Variants in ARRDC2 observed in about 807,000 individuals in gnomAD.
The protein encoded by ARRDC2 is arrestin domain-containing protein 2.
ARRDC2 carries 39 observed loss-of-function variants against 38.9 expected under a neutral mutation model. The observed-to-expected ratio is 1.00, with a 90% CI of 0.78 to 1.31. The LOEUF (loss-of-function observed/expected upper bound fraction) is 1.31, where lower values mean the gene tolerates loss of function less well. Ranked by LOEUF, ARRDC2 falls within the 50% of genes most tolerant of loss-of-function variation. ARRDC2 has a pLI of 0.00. For missense variants in ARRDC2, 553 were observed against 588.4 expected, an observed-to-expected ratio of 0.94 and a Z score of 0.62; for synonymous variants, 300 against 261.9, an observed-to-expected ratio of 1.15 and a Z score of -1.41.
In ARRDC2 at chr19:18,010,226, C is replaced by G. The variant is rs750033770; in HGVS notation, c.880C>G (p.Leu294Val). The G allele has an allele frequency of 1.2e-6, 2 of 1,613,652 alleles. No individual in the cohort carries two copies. Among genetic ancestry groups the G allele is most frequent in the Non-Finnish European group, 1.7e-6 (2 of 1,179,936 alleles). Residue 294 changes from leucine (L) to valine (V), a missense_variant, in exon 6 of 8, where the codon CTG (leucine) becomes GTG (valine). By Grantham distance (32) the Leu-to-Val change is conservative (BLOSUM62 1). Around this residue, in one of 3 missense-constraint regions of ARRDC2, gnomAD observed 447 missense variants for 456.6 expected, o/e 0.98. Transcript: ENST00000222250. ...VCVDIPGTSKLLLELPLVIGT... is the reference protein window; with the variant it reads ...VCVDIPGTSKVLLELPLVIGT... ...TGTGGATATCCCAGGAACGTCCAAG[C>G]TGCTGCTGGAGCTGCCACTGGTGAT...
At chr19:18,001,892 C>T (rs920821924) in intron 1 of ARRDC2, among the ~76,000 whole-genome samples, 9 of 152,108 alleles carry the variant, frequency 5.9e-5, no homozygotes, top group African/African-American at 2.2e-4. Flanking sequence ...GGGCTGAGAT[C>T]GCACCACTGC....
intron 1 of ARRDC2, chr19:18,001,649 C>G: frequency 1.6e-6 from 2 of 1,256,212 alleles, no homozygotes; most frequent in Non-Finnish European, 2.0e-6. Flanking sequence ...CCGGAAGCCT[C>G]TCAACTTAGA....
chr19:18,010,386 AG>A, intron 6 of ARRDC2, 28 bp downstream of exon 6: 1 of 1,598,246 alleles, frequency 6.3e-7, no homozygotes, highest in Non-Finnish European at 8.5e-7. Flanking sequence ...TTGCATGCAG[AG>A]GGTGGGTGGA....
Position 18,008,455 on chromosome 19 carries a change from C to G in ARRDC2, c.145C>G (p.Leu49Val), listed in dbSNP as rs1568466820. The G allele has an allele frequency of 1.9e-6, 3 of 1,546,396 alleles. No homozygotes were observed. In the South Asian group the frequency reaches 3.5e-5, roughly 18 times the overall value. ...CGCCGCGCGTGTGGGTGCCCTGAGG[C>G]TGCGCGCGCGGGGCCGCGCCCACGT... ...SSAARVGALR[L>V]RARGRAHVHW... Residue 49 changes from leucine (L) to valine (V), a missense_variant, in exon 1 of 8, where the codon CTG becomes GTG. Leu to Val is a conservative substitution (Grantham distance 32). Transcript: ENST00000222250.
At chr19:18,008,116 A>AGGGGGCCCC, upstream of ARRDC2, 1 of 522,498 alleles carries the variant, frequency 1.9e-6, no homozygotes, top group Non-Finnish European at 2.9e-6. Flanking sequence ...AGAGACGGTG[A>AGGGGGCCCC]CCCCACCCCC....
exon 1 of ARRDC2, chr19:18,001,570 C>G (rs907542309): frequency 1.9e-5 from 26 of 1,336,746 alleles, no homozygotes; most frequent in Admixed American, 3.8e-5. Context: ...GCTGCTGCTC[C>G]GAGGTGAGAC....
upstream of ARRDC2, among the ~76,000 whole-genome samples, chr19:18,003,784 C>T (rs2033222827): frequency 6.6e-6 from 1 of 151,792 alleles, no homozygotes; most frequent in Non-Finnish European, 1.5e-5. Context: ...GGACTACAGG[C>T]ACCCGCCACC....
At chr19:18,002,172 T>C (rs775263311) in intron 1 of ARRDC2, among the ~76,000 whole-genome samples, 5 of 152,170 alleles carry the variant, frequency 3.3e-5, no homozygotes, top group Non-Finnish European at 5.9e-5. Context: ...CCAACTCGTG[T>C]TACCCAGGGC....
At position 18,001,890 on chromosome 19, in the gene ARRDC2, A is replaced by G. The variant is rs561403494; in HGVS notation, c.259+317A>G. On this transcript the variant is annotated intron_variant, in intron 1 of 7. Coordinates refer to the ARRDC2 transcript ENST00000379656. Reference sequence around the variant, plus strand: ...GAGGTAGAGGTTGTAATGGGCTGAGATCGCACCACTGCACTCCAGCCTGGA... The same window carrying G: ...GAGGTAGAGGTTGTAATGGGCTGAGGTCGCACCACTGCACTCCAGCCTGGA... Among the ~76,000 whole-genome samples the G allele has an allele frequency of 3.3e-5, 5 of 152,208 alleles. No individual in the cohort carries two copies. In the East Asian group the frequency reaches 9.7e-4, roughly 29 times the overall value.
At chr19:18,012,751 G>A (rs1472179309) in intron 7 of ARRDC2, among the ~76,000 whole-genome samples, 162 bp from the exon 8 acceptor site, 1 of 152,118 alleles carries the variant, frequency 6.6e-6, no homozygotes, top group Non-Finnish European at 1.5e-5. Context: ...TATACACTCA[G>A]CTCCAAAACC....
chr19:18,010,206 A>G lies in ARRDC2; in HGVS notation c.860A>G (p.Asp287Gly), dbSNP rs2033383582. The change falls in exon 6 of 8, where the codon GAT becomes GGT. Residue 287 changes from aspartate (D) to glycine (G), a missense_variant. By Grantham distance (94) the Asp-to-Gly change is moderately conservative. Coordinates refer to ENST00000222250, the MANE Select transcript of ARRDC2 (RefSeq NM_015683.2). ...GGTTCCTTCCTCCAGGTCTGTGTGGATATCCCAGGAACGTCCAAGCTGCTG... is the reference window on the plus strand; with the variant it reads ...GGTTCCTTCCTCCAGGTCTGTGTGGGTATCCCAGGAACGTCCAAGCTGCTG... ...HVDYALKVCV[D>G]IPGTSKLLLE... The G allele has an allele frequency of 1.9e-6, 3 of 1,613,160 alleles. No homozygotes were observed. Among genetic ancestry groups the G allele is most frequent in the African/African-American group, 1.3e-5 (1 of 74,888 alleles).
chr19:18,001,225 G>C, exon 1 of ARRDC2: 1 of 1,108,516 alleles, frequency 9.0e-7, no homozygotes. Flanking sequence ...GGACGCGACG[G>C]GGGAACGCGG....
chr19:18,001,226 G>A, exon 1 of ARRDC2: 1 of 1,109,944 alleles, frequency 9.0e-7, no homozygotes, highest in Non-Finnish European at 1.1e-6. Context: ...GACGCGACGG[G>A]GGAACGCGGA....
At chr19:18,005,845 G>A (rs1225674227), upstream of ARRDC2, among the ~76,000 whole-genome samples, 3 of 151,468 alleles carry the variant, frequency 2.0e-5, no homozygotes, top group South Asian at 4.2e-4. Context: ...TGGCAGCCGG[G>A]CGGAGGGGCT....
At position 18,013,955 on chromosome 19, in the gene ARRDC2, AG is replaced by A. The variant is rs888673777; in HGVS notation, c.*994del. The stretch of plus-strand genomic sequence containing the variant: ...GTGTCCTGGAGGAGAAAAGCATTAG[AG>A]GGGGCAGCTGGACAAGCTCCCAACT... On this transcript the variant is annotated 3_prime_UTR_variant, in exon 8 of 8. Transcript: ENST00000222250. 21 of 152,262 alleles carry A rather than the reference AG, an allele frequency of 1.4e-4. 1 individual carries two copies. Among genetic ancestry groups the A allele is most frequent in the African/African-American group, 4.6e-4 (19 of 41,540 alleles). The allele number at this position is 152,262 out of a possible 1,614,324, so 9.4% of individuals were successfully genotyped here.
At chr19:18,006,901 T>C (rs2033290983), upstream of ARRDC2, among the ~76,000 whole-genome samples, 1 of 152,154 alleles carries the variant, frequency 6.6e-6, no homozygotes, top group Admixed American at 6.6e-5. Context: ...AAACCTGGCC[T>C]AAGGTCCCAG....
intron 1 of ARRDC2, 40 bp downstream of exon 1, chr19:18,008,624 C>T: frequency 3.1e-6 from 5 of 1,598,676 alleles, no homozygotes; most frequent in Non-Finnish European, 3.4e-6. Context: ...CAGTTGTGTG[C>T]CTCCCACCAC....
At chr19:18,001,419 G>A (rs1183802419) in exon 1 of ARRDC2, 6 of 1,229,618 alleles carry the variant, frequency 4.9e-6, no homozygotes, top group African/African-American at 1.6e-5. Context: ...TGCTGGAGGC[G>A]GCGGCGCCGC....
chr19:18,001,142 C>A, exon 1 of ARRDC2: 1 of 646,008 alleles, frequency 1.5e-6, no homozygotes, highest in Non-Finnish European at 2.1e-6. Flanking sequence ...CCAGGAAGTT[C>A]GCCGACGACG....
Sources: allele counts gnomAD v4.1 joint callset (sites outside exome capture counted in the v4.1 genomes callset), GRCh38; gene constraint gnomAD v4.1.1; regional missense constraint gnomAD v4.1.1; transcripts MANE v1.5; gene names NCBI Gene and HGNC (gene_info 2026-07-23, HGNC 2026-07-21).